MYCBP2: variants seen among roughly 807,000 people sequenced by gnomAD.
MYCBP2 encodes E3 ubiquitin-protein ligase MYCBP2.
Under a neutral mutation model 525.3 loss-of-function variants are expected in MYCBP2, and 120 were observed. The observed-to-expected ratio is 0.23, with a 90% CI of 0.20 to 0.27. MYCBP2 has a LOEUF of 0.27. Among genes scored for constraint, MYCBP2 ranks in the 10% least tolerant of loss-of-function variants. The pLI is 1.00. For missense variants in MYCBP2, 4,149 were observed against 5,657.1 expected (o/e 0.73, Z 8.55); for synonymous variants, 1,894 against 1,955.8 (o/e 0.97, Z 0.83).
chr13:77,180,109 C>G lies in MYCBP2; in HGVS notation c.5133+18G>C. ...TACACATGTGCTTTTTATCCAGTGT[C>G]AAAATATAATGTATTACCTCAGATC... is the stretch of plus-strand genomic sequence containing the variant. On this transcript the variant is annotated intron_variant, in intron 34 of 82. Transcript: ENST00000544440. 1 of 1,583,450 alleles carries G rather than the reference C, an allele frequency of 6.3e-7. No homozygotes were observed. The highest frequency in any genetic ancestry group is 1.2e-5 in the South Asian group (1 of 86,694).
chr13:77,220,222 T>C (rs921913072), intron 20 of MYCBP2, among the ~76,000 whole-genome samples: 17 of 151,882 alleles, frequency 1.1e-4, no homozygotes, highest in African/African-American at 3.6e-4. Flanking sequence ...AGTCTTTAAC[T>C]TGAGTAGGAA....
chr13:77,064,879 T>C (rs2039951024), intron 72 of MYCBP2, 145 bp from the exon 73 acceptor site: 1 of 635,614 alleles, frequency 1.6e-6, no homozygotes, highest in Admixed American at 4.1e-5. Context: ...CACAAACTTT[T>C]GAACTAAAAT....
intron 26 of MYCBP2, among the ~76,000 whole-genome samples, chr13:77,198,245 A>G (rs1461715328): frequency 2.6e-5 from 4 of 152,228 alleles, no homozygotes; most frequent in African/African-American, 9.6e-5. Context: ...TTCTATCACT[A>G]TACTCCATAT....
At chr13:77,316,166 C>T (rs1013549180) in intron 1 of MYCBP2, among the ~76,000 whole-genome samples, 1 of 152,100 alleles carries the variant, frequency 6.6e-6, no homozygotes, top group Non-Finnish European at 1.5e-5. Flanking sequence ...TTACACAGAA[C>T]ATCCCAGGGA....
At chr13:77,152,180 C>A (rs2056562754) in intron 46 of MYCBP2, among the ~76,000 whole-genome samples, 1 of 152,140 alleles carries the variant, frequency 6.6e-6, no homozygotes, top group South Asian at 2.1e-4. Flanking sequence ...TAATGTTAGG[C>A]ACAGGTGACA....
At chr13:77,260,655 G>C (rs1455352907) in intron 12 of MYCBP2, 63 bp from the exon 13 acceptor site, 2 of 1,341,984 alleles carry the variant, frequency 1.5e-6, no homozygotes, top group African/African-American at 3.1e-5. Flanking sequence ...ATAATGGTTT[G>C]TATATAAAGC....
rs769956117 is a variant in MYCBP2 at position 77,087,648 on chromosome 13, G to T, written c.10726-15C>A. The T allele has an allele frequency of 6.9e-6, 11 of 1,601,996 alleles. No homozygotes were observed. Among genetic ancestry groups the T allele is most frequent in the Non-Finnish European group, 9.4e-6 (11 of 1,173,998 alleles). ...CAGTTGAAAGCCTGAAGAAATGACG[G>T]TTAAATGAGTTCAAGAATAAAATAC... On this transcript the variant is annotated splice_polypyrimidine_tract_variant and intron_variant, in intron 61 of 82. Coordinates refer to ENST00000544440, the MANE Select transcript of MYCBP2 (RefSeq NM_015057.5).
chr13:77,166,531 C>T lies in MYCBP2; in HGVS notation c.6138G>A (p.Arg2046=), dbSNP rs1189593287. ...HYKVTFPECV[R]WMTIEFDPQC... ...GAGGGTCAAATTCGATTGTCATCCA[C>T]CTCACACATTCTGGGAATGTCACCT... Residue 2046 remains arginine (R), a synonymous_variant, in exon 41 of 83, where the codon AGG becomes AGA. Coordinates refer to ENST00000544440, the MANE Select transcript of MYCBP2 (RefSeq NM_015057.5). 2 of 1,612,484 alleles carry T rather than the reference C, an allele frequency of 1.2e-6. No individual in the cohort carries two copies. Among genetic ancestry groups the T allele is most frequent in the Non-Finnish European group, 1.7e-6 (2 of 1,179,292 alleles).
chr13:77,128,600 A>G (rs188561683), intron 52 of MYCBP2, among the ~76,000 whole-genome samples: 182 of 152,030 alleles, frequency 1.2e-3, no homozygotes, highest in African/African-American at 4.3e-3. Flanking sequence ...AGTATAAAAC[A>G]AAGTTTATCC....
chr13:77,296,459 AC>A, intron 2 of MYCBP2, 139 bp downstream of exon 2: 2 of 885,018 alleles, frequency 2.3e-6, no homozygotes, highest in Non-Finnish European at 3.2e-6. Context: ...TAAAAGAGGA[AC>A]CAAATCATAA....
At chr13:77,069,427 C>A (rs1446085737) in intron 69 of MYCBP2, among the ~76,000 whole-genome samples, 1 of 151,074 alleles carries the variant, frequency 6.6e-6, no homozygotes, top group African/African-American at 2.4e-5. Flanking sequence ...TCGAGACCAT[C>A]CTGGCTAATA....
intron 23 of MYCBP2, among the ~76,000 whole-genome samples, chr13:77,210,856 C>T (rs4594140): frequency 0.98 from 149,558 of 152,294 alleles, 73,498 homozygotes; most frequent in East Asian, 1. Context: ...GTATGCACCT[C>T]TGTAGTATTA....
At chr13:77,188,559 C>T (rs150119828) in intron 30 of MYCBP2, among the ~76,000 whole-genome samples, 5 of 152,318 alleles carry the variant, frequency 3.3e-5, no homozygotes, top group African/African-American at 1.2e-4. Context: ...GTTCAACAAA[C>T]TTCCTAGTTA....
At chr13:77,188,064 C>T (rs1458906345) in intron 30 of MYCBP2, among the ~76,000 whole-genome samples, 1 of 134,388 alleles carries the variant, frequency 7.4e-6, no homozygotes, top group Non-Finnish European at 1.6e-5. Context: ...GAGCGAGACT[C>T]TGCCTCACCA....
rs774334006 is a variant in MYCBP2, at chr13:77,061,203, T to G, written c.13002A>C (p.Thr4334=). 2 of 1,609,592 alleles carry G rather than the reference T, an allele frequency of 1.2e-6. No homozygotes were observed. The highest frequency in any genetic ancestry group is 2.7e-5 in the African/African-American group (2 of 74,680). The change falls in exon 76 of 83, where the codon ACA becomes ACC. Residue 4334 remains threonine, a synonymous_variant. Coordinates refer to ENST00000544440, the MANE Select transcript of MYCBP2 (RefSeq NM_015057.5). ...CTCGGAATTCCACCATTGCCTTCAT[T>G]GTTTTAGAATCTGCCAGTGCCATCA... ...FWLMALADSK[T]MKAMVEFREH...
Position 77,326,421 on chromosome 13 carries a change from G to A in MYCBP2, c.302+53C>T, listed in dbSNP as rs1453037000. ...CACACGCGGGTGCACGCGCGGCATG[G>A]GGCGCAAGGAAGGGCGGCATGGGGC... On this transcript the variant is annotated intron_variant, in intron 1 of 82. Transcript: ENST00000544440. The surrounding 1 kb of genome is among the most constrained non-coding windows in gnomAD (Gnocchi z 4.2). 4 of 1,476,930 alleles carry A rather than the reference G, an allele frequency of 2.7e-6. No homozygotes were observed. The African/African-American group carries it at 4.4e-5, about 16-fold the overall frequency. 91.5% of individuals were successfully genotyped at this position (1,476,930 alleles called of 1,614,324 possible).
intron 40 of MYCBP2, among the ~76,000 whole-genome samples, chr13:77,168,223 A>G (rs1053282170): frequency 1.3e-5 from 2 of 152,186 alleles, no homozygotes; most frequent in Admixed American, 6.5e-5. Context: ...TCATAAACCA[A>G]TAAAATTTTA....
chr13:77,324,085 G>C (rs186978174), intron 1 of MYCBP2, among the ~76,000 whole-genome samples: 73 of 152,176 alleles, frequency 4.8e-4, no homozygotes, highest in African/African-American at 1.6e-3. Flanking sequence ...ATCCCCTTGA[G>C]TTACCAAAAA....
At chr13:77,278,941 T>C in intron 3 of MYCBP2, 30 bp from the exon 4 acceptor site, 1 of 1,478,288 alleles carries the variant, frequency 6.8e-7, no homozygotes, top group Non-Finnish European at 9.0e-7. Flanking sequence ...ATATATACTT[T>C]ATGACATGTA....
Sources: gnomAD v4.1 joint callset for allele counts (sites outside exome capture counted in the v4.1 genomes callset) on GRCh38, gnomAD v4.1.1 for gene constraint, Gnocchi (gnomAD v3.1) non-coding constraint, MANE v1.5 for transcripts, NCBI Gene and HGNC (gene_info 2026-07-23, HGNC 2026-07-21) for gene names.